The following RMDN1 variants were observed in gnomAD, a reference collection of about 807,000 sequenced individuals.
The protein encoded by RMDN1 is regulator of microtubule dynamics 1.
Under a neutral mutation model 48.9 loss-of-function variants are expected in RMDN1, and 48 were observed. The observed-to-expected ratio is 0.98, with a 90% CI of 0.78 to 1.25. RMDN1 has a LOEUF of 1.25. Among genes scored for constraint, RMDN1 ranks in the 50% most tolerant of loss-of-function variants. RMDN1 has a pLI of 0.00. For missense variants in RMDN1, 418 were observed against 373.4 expected, an observed-to-expected ratio of 1.12 and a Z score of -0.98; for synonymous variants, 148 against 132.6, an observed-to-expected ratio of 1.12 and a Z score of -0.80.
chr8:86,494,941 T>C, intron 2 of RMDN1: 1 of 439,508 alleles, frequency 2.3e-6, no homozygotes, highest in South Asian at 1.6e-5. Flanking sequence ...ACCTCCACAC[T>C]CTACCCTCAG....
chr8:86,473,995 A>T lies in RMDN1; in HGVS notation c.*313T>A. ...TAGATCCATTTCCCCTCCTCTACAA[A>T]TATTTCTTTGCTTGATCTCCCATCC... On this transcript the variant is annotated 3_prime_UTR_variant, in exon 10 of 10. Coordinates refer to ENST00000406452, the MANE Select transcript of RMDN1 (RefSeq NM_016033.3). 2 of 1,078,682 alleles carry T rather than the reference A, an allele frequency of 1.9e-6. No individual in the cohort carries two copies. The highest frequency in any genetic ancestry group is 2.2e-6 in the Non-Finnish European group (2 of 889,128). The allele number at this position is 1,078,682 out of a possible 1,614,324, so 66.8% of individuals were successfully genotyped here.
At position 86,478,995 on chromosome 8, in the gene RMDN1, G is replaced by C; in HGVS notation, c.657C>G (p.Ala219=). 1 of 1,613,432 alleles carries C rather than the reference G, an allele frequency of 6.2e-7. No individual in the cohort carries two copies. Among genetic ancestry groups the C allele is most frequent in the Non-Finnish European group, 8.5e-7 (1 of 1,179,496 alleles). ...TTCTTCTTTGATACCAAGGCATTTC[G>C]GCAAATGTATAGCACCTACAGGGAA... is the stretch of plus-strand genomic sequence containing the variant. ...HLMGIWCYTF[A]EMPWYQRRIA... is the part of the protein sequence containing the mutation. The change falls in exon 7 of 10, where the codon GCC becomes GCG. Residue 219 remains alanine (A), a synonymous_variant. Transcript: ENST00000406452.
At chr8:86,511,053 A>G (rs917986505), upstream of RMDN1, among the ~76,000 whole-genome samples, 1 of 152,050 alleles carries the variant, frequency 6.6e-6, no homozygotes, top group African/African-American at 2.4e-5. Context: ...AGTCCCAGCT[A>G]CTCAGGAGGA....
At position 86,474,615 on chromosome 8, in the gene RMDN1, G is replaced by A. The variant is rs540625269; in HGVS notation, c.894+205C>T. 20 of 725,356 alleles carry A rather than the reference G, an allele frequency of 2.8e-5. No individual in the cohort carries two copies. In the South Asian group the frequency reaches 3.0e-4, roughly 11 times the overall value. 44.9% of individuals were successfully genotyped at this position (725,356 alleles called of 1,614,324 possible). The stretch of plus-strand genomic sequence containing the variant: ...CAGGAATAATTCTGCATTGTAGCAG[G>A]CAACCCGTAACATCCACCTGGTGAT... On this transcript the variant is annotated intron_variant, in intron 9 of 9. Coordinates refer to ENST00000406452, the MANE Select transcript of RMDN1 (RefSeq NM_016033.3).
At chr8:86,469,853 T>C (rs573690611), downstream of RMDN1, among the ~76,000 whole-genome samples, 4 of 152,320 alleles carry the variant, frequency 2.6e-5, no homozygotes, top group South Asian at 4.1e-4. Context: ...TCAGAGATAA[T>C]AGTAGTTGTA....
intron 8 of RMDN1, among the ~76,000 whole-genome samples, chr8:86,476,765 A>C (rs1336431666): frequency 1.3e-5 from 2 of 152,170 alleles, no homozygotes; most frequent in East Asian, 3.8e-4. Context: ...GTGCAATCAC[A>C]GCTCATTGTA....
At chr8:86,492,999 T>G (rs1281452890) in intron 2 of RMDN1, among the ~76,000 whole-genome samples, 1 of 149,962 alleles carries the variant, frequency 6.7e-6, no homozygotes, top group African/African-American at 2.5e-5. Flanking sequence ...TGAAGATCAA[T>G]TCCTTAAAAA....
chr8:86,492,433 A>G (rs1460014084), intron 2 of RMDN1, among the ~76,000 whole-genome samples: 1 of 151,960 alleles, frequency 6.6e-6, no homozygotes, highest in Admixed American at 6.6e-5. Context: ...CGGGTGGATC[A>G]CCTGAGGTTA....
chr8:86,508,874 G>A, upstream of RMDN1: 1 of 1,074,890 alleles, frequency 9.3e-7, no homozygotes, highest in African/African-American at 1.6e-5. Flanking sequence ...CCGTGAGAGC[G>A]CTCTCTTCAG....
intron 5 of RMDN1, chr8:86,482,228 G>A (rs1031312833): frequency 1.5e-5 from 5 of 338,332 alleles, no homozygotes; most frequent in African/African-American, 4.4e-5. Flanking sequence ...ATGGTGAAAC[G>A]CTGTCTCTAC....
At chr8:86,508,737 C>T (rs888324993), upstream of RMDN1, 5 of 1,397,716 alleles carry the variant, frequency 3.6e-6, no homozygotes, top group African/African-American at 7.4e-5. Context: ...CTGCACAGCA[C>T]CTCTTCCGCC....
chr8:86,504,066 T>C, intron 2 of RMDN1: 1 of 878,756 alleles, frequency 1.1e-6, no homozygotes, highest in South Asian at 1.3e-5. Flanking sequence ...TGGGCATCAT[T>C]GTCAGAATTC....
rs1434884299 is a variant in RMDN1 at position 86,480,261 on chromosome 8, A to G, written c.641+16T>C. The G allele has an allele frequency of 2.8e-6, 4 of 1,405,350 alleles. No individual in the cohort carries two copies. In the African/African-American group the frequency reaches 4.3e-5, roughly 15 times the overall value. The allele number at this position is 1,405,350 out of a possible 1,614,324, so 87.1% of individuals were successfully genotyped here. A position where few individuals can be genotyped will look rare whatever the true frequency, so the allele number is the denominator to read the frequency against. Reference sequence around the variant, plus strand: ...CACACTAAATACTACTGAAATATTTAAAGAAATTTTCTTACCAAATACCCA... The same window carrying G: ...CACACTAAATACTACTGAAATATTTGAAGAAATTTTCTTACCAAATACCCA... On this transcript the variant is annotated intron_variant, in intron 6 of 9. Transcript: ENST00000406452.
chr8:86,470,424 TG>T, downstream of RMDN1: 1 of 1,272,398 alleles, frequency 7.9e-7, no homozygotes, highest in African/African-American at 1.5e-5. Flanking sequence ...GGAAGTCAAA[TG>T]GAAGAGACTT....
chr8:86,479,110 A>G, intron 6 of RMDN1, 100 bp from the exon 7 acceptor site: 1 of 824,342 alleles, frequency 1.2e-6, no homozygotes, highest in Non-Finnish European at 2.0e-6. Flanking sequence ...CTTCTACTGT[A>G]TGTTTAAACA....
rs767232614 is a variant in RMDN1 at position 86,486,627 on chromosome 8, G to GT, written c.351dup (p.Leu118ThrfsTer10). 3.8e-6 allele frequency: 6 copies of GT among 1,592,026 alleles called. No individual in the cohort carries two copies. In the African/African-American group the frequency reaches 6.8e-5, roughly 18 times the overall value. Reference sequence around the variant, plus strand: ...CGTGATGCCCGTGCCAAACGCCACAGTAACTCTGCATCTTCACTAATTTGA... The same window carrying GT: ...CGTGATGCCCGTGCCAAACGCCACAGTTAACTCTGCATCTTCACTAATTTGA... On this transcript the variant is annotated frameshift_variant, in exon 4 of 10. Transcript: ENST00000406452. LOFTEE classifies it high-confidence loss of function.
At chr8:86,503,371 CAAAA>C (rs1182231210) in intron 2 of RMDN1, among the ~76,000 whole-genome samples, 6 of 68,008 alleles carry the variant, frequency 8.8e-5, no homozygotes, top group African/African-American at 4.0e-4. Context: ...CAAAACAAAA[CAAAA>C]AAAAAAAAAA....
intron 2 of RMDN1, chr8:86,504,538 A>C (rs1353612847): frequency 1.4e-6 from 2 of 1,386,284 alleles, no homozygotes; most frequent in South Asian, 1.2e-5. Flanking sequence ...TACTATCTTC[A>C]CTGTAGTTTC....
At chr8:86,479,350 T>C (rs1247285009) in intron 6 of RMDN1, among the ~76,000 whole-genome samples, 1 of 152,126 alleles carries the variant, frequency 6.6e-6, no homozygotes, top group Admixed American at 6.5e-5. Context: ...ATTTTTCTTA[T>C]AAGAAAAACT....
Sources: gnomAD v4.1 joint callset for allele counts (sites outside exome capture counted in the v4.1 genomes callset) on GRCh38, gnomAD v4.1.1 for gene constraint, MANE v1.5 for transcripts, NCBI Gene and HGNC (gene_info 2026-07-23, HGNC 2026-07-21) for gene names.